The following PCDHGA11 variants were observed in gnomAD, a reference collection of about 807,000 sequenced individuals.
The protein encoded by PCDHGA11 is protocadherin gamma subfamily A, 11.
Under a neutral mutation model 60.4 loss-of-function variants are expected in PCDHGA11, and 39 were observed. The observed-to-expected ratio is 0.65, with a 90% CI of 0.50 to 0.84. The LOEUF is 0.84. PCDHGA11 is among the 40% of genes least tolerant of loss of function. The pLI, the probability that PCDHGA11 is intolerant of heterozygous loss-of-function variation, is 0.00. For synonymous variants in PCDHGA11, 533 were observed against 510.3 expected (o/e 1.04, Z -0.60); for missense variants, 1,165 against 1,197.7 (o/e 0.97, Z 0.40).
In PCDHGA11 at chr5:141,432,854, G is replaced by A. The variant is rs769962088; in HGVS notation, c.2433+9194G>A. 1 of 1,614,192 alleles carries A rather than the reference G, an allele frequency of 6.2e-7. No homozygotes were observed. On this transcript the variant is annotated intron_variant, in intron 1 of 3. Transcript: ENST00000398587. The surrounding 1 kb of genome is among the most constrained non-coding windows in gnomAD (Gnocchi z 6.0). ...TCTGTACCTGGTGGTAGCGGTGGCC[G>A]CGGTCTCCTGCGTCTTCCTGGCCTT...
intron 1 of PCDHGA11, among the ~76,000 whole-genome samples, chr5:141,450,572 T>A (rs1276283357): frequency 6.6e-6 from 1 of 151,710 alleles, no homozygotes; most frequent in African/African-American, 2.4e-5. Flanking sequence ...CTGCAACTTC[T>A]GCCTCCCAGG....
Position 141,496,888 on chromosome 5 carries a change from TA to T in PCDHGA11, c.2492+2038del, listed in dbSNP as rs35063790. 4.6e-3 allele frequency among the ~76,000 whole-genome samples: 621 copies of T among 133,932 alleles called. 1 individual carries two copies. Among genetic ancestry groups the T allele is most frequent in the Middle Eastern group, 0.011 (3 of 270 alleles). 87.9% of individuals were successfully genotyped at this position (133,932 alleles called of 152,430 possible). ...CTGAAAATTTGCAACAAGTAACACT[TA>T]AAAAAAAAAAAAAAGGCTGGGCACT... On this transcript the variant is annotated intron_variant, in intron 2 of 3. Coordinates refer to ENST00000398587, the MANE Select transcript of PCDHGA11 (RefSeq NM_018914.3).
chr5:141,463,438 CTTTTTTTTTTTTTTT>C (rs71576115), intron 1 of PCDHGA11, among the ~76,000 whole-genome samples: 7 of 103,256 alleles, frequency 6.8e-5, no homozygotes, highest in African/African-American at 3.1e-4. Flanking sequence ...TTTCCTTCTC[CTTTTTTTTTTTTTTT>C]TTTTTTTTTT....
At chr5:141,429,396 T>A (rs2097212352) in intron 1 of PCDHGA11, among the ~76,000 whole-genome samples, 1 of 151,520 alleles carries the variant, frequency 6.6e-6, no homozygotes, top group African/African-American at 2.4e-5. Context: ...TTAAAAAAAA[T>A]TGAGATTAAG....
intron 2 of PCDHGA11, among the ~76,000 whole-genome samples, chr5:141,502,296 G>A (rs758304596): frequency 7.9e-5 from 12 of 151,130 alleles, no homozygotes; most frequent in Non-Finnish European, 1.2e-4. Context: ...TGGTTGTCAC[G>A]TCTTTCCTCT....
At chr5:141,428,493 T>G in intron 1 of PCDHGA11, 1 of 307,146 alleles carries the variant, frequency 3.3e-6, no homozygotes, top group Non-Finnish European at 6.3e-6. Context: ...GCAATCTGTA[T>G]GTTCCCTCGG....
chr5:141,468,809 T>A (rs1473677700), intron 1 of PCDHGA11, among the ~76,000 whole-genome samples: 1 of 151,850 alleles, frequency 6.6e-6, no homozygotes, highest in Admixed American at 6.6e-5. Flanking sequence ...GAACTTGCAG[T>A]GAGCCAAGAT....
At chr5:141,448,114 A>G (rs1483138819) in intron 1 of PCDHGA11, among the ~76,000 whole-genome samples, 1 of 151,948 alleles carries the variant, frequency 6.6e-6, no homozygotes, top group Non-Finnish European at 1.5e-5. Flanking sequence ...AGAAAAGAAA[A>G]TTAGCCTCCC....
At chr5:141,470,302 C>A (rs996558051) in intron 1 of PCDHGA11, among the ~76,000 whole-genome samples, 5 of 152,188 alleles carry the variant, frequency 3.3e-5, no homozygotes, top group African/African-American at 1.2e-4. Context: ...GTTTTTATTC[C>A]ATTTTTCCTC....
chr5:141,498,105 G>C (rs150297456), intron 2 of PCDHGA11, among the ~76,000 whole-genome samples: 1 of 152,324 alleles, frequency 6.6e-6, no homozygotes, highest in East Asian at 1.9e-4. Flanking sequence ...TGGTGTGGGC[G>C]TATAATAGGG....
chr5:141,471,618 A>C (rs1421854064), intron 1 of PCDHGA11: 1 of 152,218 alleles, frequency 6.6e-6, no homozygotes, highest in Non-Finnish European at 1.5e-5. Context: ...TGGGAGTAGT[A>C]AGCATTGGTA....
chr5:141,428,197 G>A, intron 1 of PCDHGA11: 3 of 1,385,968 alleles, frequency 2.2e-6, no homozygotes, highest in Non-Finnish European at 3.0e-6. Context: ...CGCTCTCTGC[G>A]CCGCTACGCT....
chr5:141,474,608 T>C (rs1469173973), intron 1 of PCDHGA11, among the ~76,000 whole-genome samples: 1 of 152,268 alleles, frequency 6.6e-6, no homozygotes, highest in Non-Finnish European at 1.5e-5. Flanking sequence ...AGGTCACATA[T>C]GGCTTTTCAT....
chr5:141,506,740 T>C (rs1006665092), intron 3 of PCDHGA11, among the ~76,000 whole-genome samples: 2 of 152,104 alleles, frequency 1.3e-5, no homozygotes, highest in African/African-American at 2.4e-5. Context: ...ATAATGCCTA[T>C]TAATAAAGAC....
Position 141,486,677 on chromosome 5 carries a change from G to A in PCDHGA11, c.2434-8130G>A, listed in dbSNP as rs755512470. ...ACTCCTGGAGCCCAGGAATCGAGATGTATCAGCTTCCTCTTTCATCTCTCT... is the reference window on the plus strand; with the variant it reads ...ACTCCTGGAGCCCAGGAATCGAGATATATCAGCTTCCTCTTTCATCTCTCT... On this transcript the variant is annotated intron_variant, in intron 1 of 3. Transcript: ENST00000398587. This position sits in a 1 kb window ranked among gnomAD's most constrained non-coding sequence, Gnocchi z 5.0. The A allele has an allele frequency of 3.7e-6, 6 of 1,614,060 alleles. No individual in the cohort carries two copies. Among genetic ancestry groups the A allele is most frequent in the Middle Eastern group, 1.6e-4 (1 of 6,062 alleles).
intron 1 of PCDHGA11, chr5:141,478,700 C>A: frequency 1.3e-6 from 2 of 1,549,172 alleles, no homozygotes; most frequent in Non-Finnish European, 1.7e-6. Flanking sequence ...AAAGTTAGTG[C>A]CTTTGTGAGA....
intron 1 of PCDHGA11, among the ~76,000 whole-genome samples, chr5:141,425,668 T>C (rs2096887740): frequency 1.3e-5 from 2 of 152,260 alleles, no homozygotes; most frequent in South Asian, 4.1e-4. Context: ...GCACATCAGA[T>C]TGAAAATAAT....
intron 1 of PCDHGA11, among the ~76,000 whole-genome samples, chr5:141,436,389 TTAAA>T (rs1385837876): frequency 6.6e-6 from 1 of 152,212 alleles, no homozygotes; most frequent in Non-Finnish European, 1.5e-5. Context: ...ATAGGCTTTA[TTAAA>T]TAGTTGTTGA....
At chr5:141,449,958 A>AT (rs962794399) in intron 1 of PCDHGA11, among the ~76,000 whole-genome samples, 8 of 148,830 alleles carry the variant, frequency 5.4e-5, no homozygotes, top group African/African-American at 2.0e-4. Context: ...CCTCATAGTA[A>AT]TTTTTTTTAG....
Sources: allele counts gnomAD v4.1 joint callset (sites outside exome capture counted in the v4.1 genomes callset), GRCh38; gene constraint gnomAD v4.1.1; non-coding constraint Gnocchi (gnomAD v3.1); transcripts MANE v1.5; gene names NCBI Gene and HGNC (gene_info 2026-07-23, HGNC 2026-07-21).